Variants in ARFGEF1 observed in about 807,000 individuals in gnomAD.
The protein encoded by ARFGEF1 is brefeldin A-inhibited guanine nucleotide-exchange protein 1.
In ARFGEF1, 42 loss-of-function variants were observed where a neutral mutation model predicts 231.0. That is an observed-to-expected ratio of 0.18 (90% CI 0.14 to 0.24). The LOEUF is 0.24. ARFGEF1 is among the 10% of genes least tolerant of loss of function. ARFGEF1 has a pLI of 1.00. For missense variants in ARFGEF1, 1,345 were observed against 2,192.0 expected (o/e 0.61, Z 7.72); for synonymous variants, 710 against 732.3 (o/e 0.97, Z 0.49).
At chr8:67,330,805 T>C (rs532145480) in intron 1 of ARFGEF1, among the ~76,000 whole-genome samples, 2 of 152,306 alleles carry the variant, frequency 1.3e-5, no homozygotes, top group East Asian at 1.9e-4. Flanking sequence ...ACATTGTTGC[T>C]TTCTGATACT....
At chr8:67,195,265 GAT>G (rs1279886915), downstream of ARFGEF1, 16 of 754,500 alleles carry the variant, frequency 2.1e-5, no homozygotes, top group Admixed American at 2.9e-4. Flanking sequence ...TAGAGTTCAG[GAT>G]ATGAGACTGT....
In ARFGEF1 at chr8:67,222,502, G is replaced by T. The variant is rs138736099; in HGVS notation, c.4208+2401C>A. On this transcript the variant is annotated intron_variant, in intron 29 of 38. Transcript: ENST00000262215. The stretch of plus-strand genomic sequence containing the variant: ...GAGTCTCACTCTGTTGCCTGGGCTG[G>T]AGTAGAGTGGCACTCTCAGCTCACT... 2.2e-3 allele frequency among the ~76,000 whole-genome samples: 341 copies of T among 151,870 alleles called. 1 individual carries two copies. The highest frequency in any genetic ancestry group is 8.0e-3 in the African/African-American group (333 of 41,382).
At chr8:67,254,870 T>C (rs917197145) in intron 17 of ARFGEF1, among the ~76,000 whole-genome samples, 3 of 151,870 alleles carry the variant, frequency 2.0e-5, no homozygotes, top group Non-Finnish European at 1.5e-5. Flanking sequence ...CCCTACTATC[T>C]TATAACTTTA....
At chr8:67,231,149 G>C (rs1350229321) in intron 23 of ARFGEF1, among the ~76,000 whole-genome samples, 1 of 152,048 alleles carries the variant, frequency 6.6e-6, no homozygotes, top group Non-Finnish European at 1.5e-5. Flanking sequence ...CTACCACTGA[G>C]TTGGGTAATG....
intron 20 of ARFGEF1, among the ~76,000 whole-genome samples, chr8:67,239,478 C>T (rs1268351653): frequency 6.6e-6 from 1 of 151,922 alleles, no homozygotes; most frequent in Non-Finnish European, 1.5e-5. Flanking sequence ...TTTCTAAAAT[C>T]CAAAGGCAGT....
At chr8:67,192,066 G>GTT (rs34907123) in intron 5 of ARFGEF1, among the ~76,000 whole-genome samples, 2,703 of 129,794 alleles carry the variant, frequency 0.021, 57 homozygotes, top group South Asian at 0.048. Context: ...TTGCTGATTT[G>GTT]TTTTTTTTTT....
Position 67,253,762 on chromosome 8 carries a change from T to A in ARFGEF1, c.2527-140A>T, listed in dbSNP as rs925566523. On this transcript the variant is annotated intron_variant, in intron 17 of 38. Coordinates refer to ENST00000262215, the MANE Select transcript of ARFGEF1 (RefSeq NM_006421.5). ...TGGAAAGTATTCAACAAAATATAGA[T>A]AAAAATGAAAAAAATCACAGAAAAT... The A allele has an allele frequency of 2.6e-4, 121 of 472,268 alleles. 1 individual carries two copies. The highest frequency in any genetic ancestry group is 3.3e-4 in the Non-Finnish European group (96 of 286,852). 29.3% of individuals were successfully genotyped at this position (472,268 alleles called of 1,614,324 possible). A position where few individuals can be genotyped will look rare whatever the true frequency, so the allele number is the denominator to read the frequency against.
chr8:67,199,036 A>G lies in ARFGEF1; in HGVS notation c.5448T>C (p.Ile1816=), dbSNP rs1237941570. 1 of 1,611,206 alleles carries G rather than the reference A, an allele frequency of 6.2e-7. No homozygotes were observed. The highest frequency in any genetic ancestry group is 2.2e-5 in the East Asian group (1 of 44,850). The change falls in exon 39 of 39, where the codon ATT becomes ATC. Residue 1816 remains isoleucine, a synonymous_variant. Coordinates refer to ENST00000262215, the MANE Select transcript of ARFGEF1 (RefSeq NM_006421.5). ...LLCEIMQFDL[I]PELRAVLRRF... is the part of the protein sequence containing the mutation. ...TTCTAAGAACAGCACGAAGTTCAGG[A>G]ATCAAGTCAAATTGCATAATTTCAC... is the stretch of plus-strand genomic sequence containing the variant.
intron 10 of ARFGEF1, among the ~76,000 whole-genome samples, chr8:67,271,338 T>A (rs948439407): frequency 6.6e-6 from 1 of 152,200 alleles, no homozygotes; most frequent in East Asian, 1.9e-4. Context: ...ATAATGGAGA[T>A]GCAATATATA....
chr8:67,188,261 A>G (rs2129574609), intron 5 of ARFGEF1, among the ~76,000 whole-genome samples: 1 of 152,352 alleles, frequency 6.6e-6, no homozygotes, highest in South Asian at 2.1e-4. Context: ...ATAACAAGAC[A>G]AAGGATGCTA....
chr8:67,255,146 T>C (rs923378995), intron 17 of ARFGEF1, among the ~76,000 whole-genome samples: 3 of 152,194 alleles, frequency 2.0e-5, no homozygotes, highest in African/African-American at 7.2e-5. Context: ...GGGTTAGGGA[T>C]CCCATACGTG....
chr8:67,326,317 G>T (rs536514783), intron 1 of ARFGEF1, among the ~76,000 whole-genome samples: 1 of 152,310 alleles, frequency 6.6e-6, no homozygotes, highest in East Asian at 1.9e-4. Flanking sequence ...TAATTGAAAA[G>T]AACTTGGTAT....
At chr8:67,213,150 AATG>A (rs1448400187) in intron 33 of ARFGEF1, among the ~76,000 whole-genome samples, 1 of 152,206 alleles carries the variant, frequency 6.6e-6, no homozygotes, top group Non-Finnish European at 1.5e-5. Context: ...GGCAATTCAG[AATG>A]ATACTTTTCT....
intron 18 of ARFGEF1, 52 bp from the exon 19 acceptor site, chr8:67,251,502 T>G (rs932876037): frequency 5.5e-6 from 8 of 1,448,678 alleles, no homozygotes; most frequent in Non-Finnish European, 7.3e-6. Flanking sequence ...TTAAGAATTC[T>G]ATTTTGATAT....
At chr8:67,265,958 T>C (rs1804834322) in intron 14 of ARFGEF1, 48 bp downstream of exon 14, 6 of 1,581,634 alleles carry the variant, frequency 3.8e-6, no homozygotes, top group Non-Finnish European at 5.2e-6. Context: ...GGCACTATAC[T>C]GGCAGAGAGA....
intron 23 of ARFGEF1, among the ~76,000 whole-genome samples, chr8:67,228,695 A>G (rs1051805099): frequency 6.6e-6 from 1 of 152,092 alleles, no homozygotes; most frequent in Non-Finnish European, 1.5e-5. Flanking sequence ...ATTTGATTAG[A>G]AAGTTCATTT....
chr8:67,278,050 T>C (rs959546954), intron 7 of ARFGEF1, among the ~76,000 whole-genome samples: 10 of 152,152 alleles, frequency 6.6e-5, no homozygotes, highest in Non-Finnish European at 1.2e-4. Flanking sequence ...CTAGGTCACT[T>C]TGAGTAATCA....
chr8:67,336,189 T>C (rs1303536310), intron 1 of ARFGEF1, among the ~76,000 whole-genome samples: 2 of 152,256 alleles, frequency 1.3e-5, no homozygotes, highest in East Asian at 3.8e-4. Flanking sequence ...TCTTAAATAC[T>C]TGAGCCCAGA....
At chr8:67,325,223 CT>C (rs767351969) in intron 1 of ARFGEF1, among the ~76,000 whole-genome samples, 4,645 of 143,032 alleles carry the variant, frequency 0.032, 88 homozygotes, top group South Asian at 0.054. Context: ...GAAAAATCCA[CT>C]TTTTTTTTTT....
Sources: allele counts gnomAD v4.1 joint callset (sites outside exome capture counted in the v4.1 genomes callset), GRCh38; gene constraint gnomAD v4.1.1; transcripts MANE v1.5; gene names NCBI Gene and HGNC (gene_info 2026-07-23, HGNC 2026-07-21).